The following ZNF469 variants were observed in gnomAD, a reference collection of about 807,000 sequenced individuals.
ZNF469 encodes zinc finger protein 469.
In ZNF469, 1 loss-of-function variant was observed where a neutral mutation model predicts 1.0. The ratio of observed to expected loss-of-function variants is 1.00; its 90% CI spans 0.35 to 4.73. The LOEUF is 4.73. ZNF469 is among the 30% of genes most tolerant of loss of function. The probability of loss-of-function intolerance (pLI) is 0.16; values close to 1 mark genes in which losing one functional copy is unlikely to be tolerated. For synonymous variants in ZNF469, 2,703 were observed against 2,363.4 expected, an observed-to-expected ratio of 1.14 and a Z score of -4.17; for missense variants, 6,100 against 5,356.3, an observed-to-expected ratio of 1.14 and a Z score of -4.33.
At chr16:88,279,278 A>G in the ZNF469 span, among the ~76,000 whole-genome samples, 1 of 151,056 alleles carries the variant, frequency 6.6e-6, no homozygotes, top group African/African-American at 2.5e-5. Context: ...TACCGTGTAG[A>G]TATCAGTGCA....
chr16:88,341,304 C>T, the ZNF469 span, among the ~76,000 whole-genome samples: 2 of 152,228 alleles, frequency 1.3e-5, no homozygotes, highest in East Asian at 3.9e-4. Flanking sequence ...TCTCCAGGGC[C>T]CAGGAGGCGC....
At chr16:88,199,764 T>C in the ZNF469 span, among the ~76,000 whole-genome samples, 1 of 152,138 alleles carries the variant, frequency 6.6e-6, no homozygotes, top group Non-Finnish European at 1.5e-5. Flanking sequence ...CACACCACCA[T>C]TCCAGCACTC....
At chr16:88,324,378 C>T in the ZNF469 span, among the ~76,000 whole-genome samples, 1 of 152,264 alleles carries the variant, frequency 6.6e-6, no homozygotes, top group Non-Finnish European at 1.5e-5. Context: ...TGTTGTGTCA[C>T]AGCTGTGCCG....
the ZNF469 span, among the ~76,000 whole-genome samples, chr16:88,279,305 A>G: frequency 6.6e-6 from 1 of 151,572 alleles, no homozygotes; most frequent in Non-Finnish European, 1.5e-5. Context: ...GTGCTGTGCC[A>G]TGCTGACACT....
chr16:88,229,263 T>C, the ZNF469 span, among the ~76,000 whole-genome samples: 9 of 152,208 alleles, frequency 5.9e-5, no homozygotes, highest in Admixed American at 5.2e-4. Flanking sequence ...TGACAAGACA[T>C]GGCATTTGTG....
chr16:88,267,626 A>C, the ZNF469 span, among the ~76,000 whole-genome samples: 41,947 of 151,552 alleles, frequency 0.28, 6,884 homozygotes, highest in Non-Finnish European at 0.37. Context: ...GCCTGGCAGG[A>C]GGTCACCACA....
the ZNF469 span, among the ~76,000 whole-genome samples, chr16:88,281,038 G>A: frequency 3.8e-4 from 58 of 151,100 alleles, no homozygotes; most frequent in East Asian, 8.5e-3. Context: ...CCATGCTGAC[G>A]CTTGGTCAGT....
chr16:88,236,193 C>T, the ZNF469 span, among the ~76,000 whole-genome samples: 2 of 152,344 alleles, frequency 1.3e-5, no homozygotes, highest in African/African-American at 2.4e-5. Context: ...ATCTCTCCAG[C>T]ATCAGAAAAA....
the ZNF469 span, among the ~76,000 whole-genome samples, chr16:88,159,951 G>A: frequency 1.3e-5 from 2 of 152,198 alleles, no homozygotes; most frequent in Admixed American, 1.3e-4. Context: ...CAGCCTGTCT[G>A]ATGGCAGAGG....
At chr16:88,306,723 C>T in the ZNF469 span, among the ~76,000 whole-genome samples, 1 of 152,220 alleles carries the variant, frequency 6.6e-6, no homozygotes, top group African/African-American at 2.4e-5. Context: ...CACCAGGGTC[C>T]TTGCTCCAGA....
chr16:88,249,498 A>G, the ZNF469 span, among the ~76,000 whole-genome samples: 1 of 126,144 alleles, frequency 7.9e-6, no homozygotes, highest in Non-Finnish European at 1.5e-5. Flanking sequence ...GTGCAGTGGC[A>G]CCATCTCGGC....
At chr16:88,337,401 C>A in the ZNF469 span, among the ~76,000 whole-genome samples, 1 of 152,218 alleles carries the variant, frequency 6.6e-6, no homozygotes, top group Non-Finnish European at 1.5e-5. Flanking sequence ...AGTGAGGCCT[C>A]CTCAGCCCTG....
the ZNF469 span, among the ~76,000 whole-genome samples, chr16:88,173,111 A>C: frequency 6.6e-6 from 1 of 152,260 alleles, no homozygotes; most frequent in South Asian, 2.1e-4. Context: ...CACAGATCTA[A>C]GAAGCTTGAT....
the ZNF469 span, among the ~76,000 whole-genome samples, chr16:88,317,920 C>G: frequency 2.0e-5 from 3 of 152,186 alleles, no homozygotes. Flanking sequence ...AGGGGTGAAC[C>G]TAGGTCTTGA....
chr16:88,250,081 G>T, the ZNF469 span, among the ~76,000 whole-genome samples: 10 of 152,228 alleles, frequency 6.6e-5, no homozygotes, highest in Non-Finnish European at 1.3e-4. Flanking sequence ...CAAGTATAAT[G>T]TATGTGCAGA....
chr16:88,228,371 G>T, the ZNF469 span, among the ~76,000 whole-genome samples: 1 of 152,268 alleles, frequency 6.6e-6, no homozygotes, highest in Non-Finnish European at 1.5e-5. Flanking sequence ...GGGCCCTGGG[G>T]TGTGTGTCCT....
chr16:88,193,162 ATGGTGGTGGGGATGGTGGTGATGGTGG>A, the ZNF469 span, among the ~76,000 whole-genome samples: 53,985 of 63,452 alleles, frequency 0.85, 23,039 homozygotes, highest in East Asian at 0.93. Context: ...GATGGTGGTG[ATGGTGGTGGGGATGGTGGTGATGGTGG>A]TGGTGGTGAT....
intron 1 of ZNF469, among the ~76,000 whole-genome samples, chr16:88,417,071 C>A (rs1361653554): frequency 6.6e-6 from 1 of 152,366 alleles, no homozygotes; most frequent in South Asian, 2.1e-4. Flanking sequence ...TTGGGCACCG[C>A]CTGCCCTTTT....
chr16:88,361,460 G>A, the ZNF469 span, among the ~76,000 whole-genome samples: 1 of 152,174 alleles, frequency 6.6e-6, no homozygotes, highest in Admixed American at 6.5e-5. Flanking sequence ...GAGAAACTTC[G>A]CATTTCCCAG....
Sources: allele counts gnomAD v4.1 joint callset (sites outside exome capture counted in the v4.1 genomes callset), GRCh38; gene constraint gnomAD v4.1.1; transcripts MANE v1.5; gene names NCBI Gene and HGNC (gene_info 2026-07-23, HGNC 2026-07-21).